PADI6: variants seen among roughly 807,000 people sequenced by gnomAD.
The protein encoded by PADI6 is peptidyl arginine deiminase 6.
In PADI6, 66 loss-of-function variants were observed where a neutral mutation model predicts 78.2. The ratio of observed to expected loss-of-function variants is 0.84; its 90% confidence interval spans 0.69 to 1.04. The LOEUF (loss-of-function observed/expected upper bound fraction) is 1.04. Ranked by LOEUF, PADI6 falls within the 50% of genes least tolerant of loss-of-function variation. The pLI is 0.00. For missense variants in PADI6, 854 were observed against 866.1 expected (o/e 0.99, Z 0.18); for synonymous variants, 397 against 346.9 (o/e 1.14, Z -1.60).
intron 1 of PADI6, among the ~76,000 whole-genome samples, chr1:17,372,777 G>C (rs753258926): frequency 2.0e-5 from 3 of 151,942 alleles, no homozygotes; most frequent in Non-Finnish European, 4.4e-5. Context: ...ATCCTTTGTG[G>C]CTCCCCCCTT....
intron 3 of PADI6, among the ~76,000 whole-genome samples, chr1:17,376,510 G>A (rs1383613664): frequency 6.7e-6 from 1 of 149,976 alleles, no homozygotes; most frequent in Non-Finnish European, 1.5e-5. Flanking sequence ...ATTTTTAGTG[G>A]GCTAATTTTT....
chr1:17,399,982 C>T lies in PADI6; in HGVS notation c.1851+1135C>T, dbSNP rs575851078. Reference sequence around the variant, plus strand: ...CCCAGGAGGCAGAGGTTGCAGTGAGCCAAGATTGCACCACTGGACTCCAGC... The same window carrying T: ...CCCAGGAGGCAGAGGTTGCAGTGAGTCAAGATTGCACCACTGGACTCCAGC... On this transcript the variant is annotated intron_variant, in intron 15 of 15. Transcript: ENST00000619609. 5.9e-5 allele frequency among the ~76,000 whole-genome samples: 9 copies of T among 151,922 alleles called. No individual in the cohort carries two copies. The South Asian group carries it at 1.9e-3, about 32-fold the overall frequency.
chr1:17,373,382 G>C, intron 2 of PADI6, 149 bp downstream of exon 2: 1 of 951,928 alleles, frequency 1.1e-6, no homozygotes, highest in Non-Finnish European at 1.5e-6. Context: ...CAACAGACCA[G>C]TGGTGTGGGC....
intron 13 of PADI6, 103 bp from the exon 14 acceptor site, chr1:17,396,968 C>G: frequency 9.4e-7 from 1 of 1,064,754 alleles, no homozygotes; most frequent in Non-Finnish European, 1.4e-6. Flanking sequence ...GGTCACTGGC[C>G]CAGGAATGCA....
intron 6 of PADI6, among the ~76,000 whole-genome samples, chr1:17,385,412 A>G (rs549928354): frequency 6.6e-6 from 1 of 152,208 alleles, no homozygotes; most frequent in Admixed American, 6.5e-5. Context: ...GGGCTCTGAG[A>G]AGGGTCAAAG....
chr1:17,383,905 T>A (rs2075096355), intron 6 of PADI6, among the ~76,000 whole-genome samples: 1 of 151,742 alleles, frequency 6.6e-6, no homozygotes, highest in Non-Finnish European at 1.5e-5. Context: ...TCCCAACACT[T>A]CGGGAGGCCA....
At chr1:17,379,447 C>T (rs6657529) in intron 3 of PADI6, among the ~76,000 whole-genome samples, 2,908 of 152,104 alleles carry the variant, frequency 0.019, 101 homozygotes, top group African/African-American at 0.066. Flanking sequence ...AGTAGAGATG[C>T]GATTTCACCA....
rs556482686 is a variant in PADI6 at position 17,396,561 on chromosome 1, G to A, written c.1619-510G>A. Among the ~76,000 whole-genome samples the A allele has an allele frequency of 1.1e-3, 160 of 152,248 alleles. 1 individual carries two copies. The highest frequency in any genetic ancestry group is 3.7e-3 in the African/African-American group (155 of 41,548). ...TACTCAGCCTTTGGGGTTGGGGCCC[G>A]GGAACTCCTGGTCATAGAAGCACCA... On this transcript the variant is annotated intron_variant, in intron 13 of 15. Coordinates refer to ENST00000619609, the MANE Select transcript of PADI6 (RefSeq NM_207421.4).
chr1:17,373,041 T>C lies in PADI6; in HGVS notation c.117-15T>C. 6.2e-7 allele frequency: 1 copy of C among 1,611,574 alleles called. No individual in the cohort carries two copies. The highest frequency in any genetic ancestry group is 8.5e-7 in the Non-Finnish European group (1 of 1,178,008). ...TGTTTGTGCCCTGACGCGTGTCTCT[T>C]ACCGGGCAAACCAGGTGTGCCCCCC... On this transcript the variant is annotated splice_polypyrimidine_tract_variant and intron_variant, in intron 1 of 15. Coordinates refer to ENST00000619609, the MANE Select transcript of PADI6 (RefSeq NM_207421.4).
At chr1:17,399,691 G>A (rs2075282609) in intron 15 of PADI6, among the ~76,000 whole-genome samples, 1 of 150,854 alleles carries the variant, frequency 6.6e-6, no homozygotes, top group Non-Finnish European at 1.5e-5. Flanking sequence ...TCAGGAGTTG[G>A]AGAGCAGCTA....
chr1:17,391,225 AT>A (rs1312469253), intron 8 of PADI6, among the ~76,000 whole-genome samples: 2 of 151,704 alleles, frequency 1.3e-5, no homozygotes, highest in Admixed American at 1.3e-4. Flanking sequence ...ATAATTTATT[AT>A]TTTTTCTTTT....
At chr1:17,382,363 T>G (rs2075080797) in intron 6 of PADI6, among the ~76,000 whole-genome samples, 1 of 152,226 alleles carries the variant, frequency 6.6e-6, no homozygotes, top group African/African-American at 2.4e-5. Context: ...CCCTGCAGGC[T>G]AGAAGAGAAG....
At chr1:17,385,539 A>G (rs1262443236) in intron 6 of PADI6, among the ~76,000 whole-genome samples, 1 of 152,094 alleles carries the variant, frequency 6.6e-6, no homozygotes, top group Admixed American at 6.6e-5. Flanking sequence ...TCTGCCTTGG[A>G]GGTGGCATCT....
intron 15 of PADI6, among the ~76,000 whole-genome samples, chr1:17,400,116 G>A (rs2075286571): frequency 6.6e-6 from 1 of 151,770 alleles, no homozygotes; most frequent in African/African-American, 2.4e-5. Flanking sequence ...GCTGAGGCAG[G>A]ACAATTTCTT....
intron 13 of PADI6, among the ~76,000 whole-genome samples, chr1:17,396,531 C>CT (rs1192493269): frequency 1.3e-5 from 2 of 152,188 alleles, no homozygotes; most frequent in East Asian, 1.9e-4. Flanking sequence ...TCCACACCTC[C>CT]TGGATACTCA....
At position 17,382,730 on chromosome 1, in the gene PADI6, A is replaced by AT. The variant is rs2075084990; in HGVS notation, c.679+640dup. ...GACTTGGCGTACCTCTAAATCTCTC[A>AT]TTGAGAGCTAGCTCTGCTTCTGGAC... On this transcript the variant is annotated intron_variant, in intron 6 of 15. Transcript: ENST00000619609. 2.0e-5 allele frequency among the ~76,000 whole-genome samples: 3 copies of AT among 152,182 alleles called. No homozygotes were observed. In the South Asian group the frequency reaches 6.2e-4, roughly 32 times the overall value.
intron 3 of PADI6, among the ~76,000 whole-genome samples, chr1:17,377,999 G>T (rs898887972): frequency 2.6e-5 from 4 of 152,214 alleles, no homozygotes; most frequent in South Asian, 4.2e-4. Flanking sequence ...CTTCCCCCTG[G>T]GTCATCCTGC....
At chr1:17,376,990 A>G (rs2075025817) in intron 3 of PADI6, among the ~76,000 whole-genome samples, 1 of 152,046 alleles carries the variant, frequency 6.6e-6, no homozygotes, top group South Asian at 2.1e-4. Flanking sequence ...CTCTCACCTC[A>G]GCCTCTCCAG....
rs1336677863 is a variant in PADI6 at position 17,372,297 on chromosome 1, T to TC, written c.55dup (p.Leu19ProfsTer49). On this transcript the variant is annotated frameshift_variant, in exon 1 of 16. Coordinates refer to ENST00000619609, the MANE Select transcript of PADI6 (RefSeq NM_207421.4). LOFTEE classifies it high-confidence loss of function. ...GTCCTTCCAGAGTATCATCCACCTG[T>TC]CCCTGGACAGCCCTGTCCATGCCGT... 1 of 1,613,818 alleles carries TC rather than the reference T, an allele frequency of 6.2e-7. No homozygotes were observed. The highest frequency in any genetic ancestry group is 8.5e-7 in the Non-Finnish European group (1 of 1,179,886).
Sources: allele counts gnomAD v4.1 joint callset (sites outside exome capture counted in the v4.1 genomes callset), GRCh38; gene constraint gnomAD v4.1.1; transcripts MANE v1.5; gene names NCBI Gene and HGNC (gene_info 2026-07-23, HGNC 2026-07-21).